PCYT1B: variants seen among roughly 807,000 people sequenced by gnomAD.
PCYT1B encodes the protein choline-phosphate cytidylyltransferase B.
PCYT1B carries 10 observed loss-of-function variants against 26.4 expected under a neutral mutation model. The observed-to-expected ratio is 0.38, with a 90% CI of 0.23 to 0.64. The LOEUF (loss-of-function observed/expected upper bound fraction) is 0.64. Among genes scored for constraint, PCYT1B ranks in the 30% least tolerant of loss-of-function variants. The pLI is 0.56. For missense variants in PCYT1B, 161 were observed against 292.7 expected (o/e 0.55, Z 3.28); for synonymous variants, 131 against 108.4 (o/e 1.21, Z -1.29).
chrX:24,662,577 TG>T (rs1927050996), intron 1 of PCYT1B, among the ~76,000 whole-genome samples: 1 of 112,066 alleles, frequency 8.9e-6, no homozygotes, highest in Admixed American at 9.5e-5. Context: ...CAAGCTCTCC[TG>T]GAACAGGGAG....
intron 6 of PCYT1B, among the ~76,000 whole-genome samples, chrX:24,576,811 A>G (rs1292892527): frequency 9.1e-6 from 1 of 110,032 alleles, no homozygotes; most frequent in African/African-American, 3.3e-5. Flanking sequence ...GAGTTGTTCA[A>G]CCTCTCTGGG....
intron 6 of PCYT1B, among the ~76,000 whole-genome samples, chrX:24,575,619 C>T (rs978714234): frequency 8.9e-6 from 1 of 112,460 alleles, no homozygotes; most frequent in Non-Finnish European, 1.9e-5. Context: ...AAAAAACACA[C>T]AGTTGTCTTT....
chrX:24,564,880 C>T (rs1369101770), intron 7 of PCYT1B, among the ~76,000 whole-genome samples: 1 of 111,013 alleles, frequency 9.0e-6, no homozygotes, highest in Non-Finnish European at 1.9e-5. Flanking sequence ...GTAGAGCCAA[C>T]GGGACTCACT....
At chrX:24,623,418 C>T in intron 1 of PCYT1B, among the ~76,000 whole-genome samples, 1 of 97,045 alleles carries the variant, frequency 1.0e-5, no homozygotes, top group South Asian at 5.1e-4. Context: ...TTCTAGGGTA[C>T]ATGTGCACAA....
intron 3 of PCYT1B, among the ~76,000 whole-genome samples, chrX:24,594,241 G>A (rs907925545): frequency 1.8e-5 from 2 of 111,408 alleles, no homozygotes; most frequent in Admixed American, 1.9e-4. Flanking sequence ...GGGGGGGAAG[G>A]TGGGCAGGAG....
intron 1 of PCYT1B, among the ~76,000 whole-genome samples, chrX:24,626,354 G>T (rs1383342827): frequency 8.9e-6 from 1 of 111,926 alleles, no homozygotes; most frequent in Admixed American, 9.5e-5. Flanking sequence ...AGTTCTACTG[G>T]ACAGCACTGG....
In PCYT1B at chrX:24,572,764, T is replaced by C. The variant is rs751423011; in HGVS notation, c.897+2366A>G. On this transcript the variant is annotated intron_variant, in intron 7 of 7. Transcript: ENST00000379144. ...TAACAGTTTTGACACTAATAGCAAG[T>C]TTTAAAAAGAAAAACCTCCAGTCTC... 5.5e-5 allele frequency among the ~76,000 whole-genome samples: 6 copies of C among 110,060 alleles called. No homozygotes were observed. In the East Asian group the frequency reaches 1.7e-3, roughly 31 times the overall value.
At chrX:24,628,897 G>T (rs1925960744) in intron 1 of PCYT1B, among the ~76,000 whole-genome samples, 1 of 111,568 alleles carries the variant, frequency 9.0e-6, no homozygotes. Flanking sequence ...CTTAGATCAG[G>T]GGTATGAACA....
chrX:24,660,117 T>C (rs770044123), intron 1 of PCYT1B, among the ~76,000 whole-genome samples: 345 of 111,274 alleles, frequency 3.1e-3, no homozygotes, highest in Non-Finnish European at 4.8e-3. Context: ...TCAGGGCTTT[T>C]AAAAGTTTAG....
upstream of PCYT1B, among the ~76,000 whole-genome samples, chrX:24,651,465 AAAAAAAAATAT>A (rs1926764562): frequency 7.1e-5 from 2 of 28,248 alleles, no homozygotes; most frequent in African/African-American, 2.4e-4. Flanking sequence ...AAAAAAAAAA[AAAAAAAAATAT>A]ATATATATAT....
intron 3 of PCYT1B, among the ~76,000 whole-genome samples, chrX:24,594,061 C>T (rs1241723880): frequency 9.0e-6 from 1 of 111,534 alleles, no homozygotes; most frequent in Non-Finnish European, 1.9e-5. Flanking sequence ...CAGCTCACTC[C>T]CTGAGATTTT....
At chrX:24,574,024 C>G (rs1923942142) in intron 7 of PCYT1B, among the ~76,000 whole-genome samples, 1 of 111,335 alleles carries the variant, frequency 9.0e-6, no homozygotes, top group Admixed American at 9.7e-5. Flanking sequence ...TGTTCTTTTT[C>G]TATTACTAAT....
chrX:24,612,757 A>G (rs1399209053), intron 2 of PCYT1B, among the ~76,000 whole-genome samples: 1 of 112,324 alleles, frequency 8.9e-6, no homozygotes, highest in Non-Finnish European at 1.9e-5. Flanking sequence ...TTAAACACAC[A>G]CCTGCCATAC....
chrX:24,632,558 C>A, intron 1 of PCYT1B: 1 of 129,874 alleles, frequency 7.7e-6, no homozygotes, highest in South Asian at 2.6e-4. Flanking sequence ...CACACTGTGT[C>A]TCACAACACC....
At chrX:24,643,779 G>A (rs923572488) in intron 1 of PCYT1B, among the ~76,000 whole-genome samples, 48 of 112,080 alleles carry the variant, frequency 4.3e-4, no homozygotes, top group African/African-American at 1.4e-3. Flanking sequence ...ATTCACTCAC[G>A]TATGCCAGCT....
intron 1 of PCYT1B, among the ~76,000 whole-genome samples, chrX:24,670,776 C>T (rs781508531): frequency 9.0e-6 from 1 of 111,067 alleles, no homozygotes; most frequent in African/African-American, 3.3e-5. Context: ...GGACATGTCA[C>T]CCTATAATGT....
At position 24,669,599 on chromosome X, in the gene PCYT1B, T is replaced by G. The variant is rs776768942; in HGVS notation, c.63+2971A>C. 9.1e-5 allele frequency among the ~76,000 whole-genome samples: 10 copies of G among 109,580 alleles called. No individual in the cohort carries two copies. In the South Asian group the frequency reaches 3.9e-3, roughly 43 times the overall value. On this transcript the variant is annotated intron_variant, in intron 1 of 7. Coordinates refer to the PCYT1B transcript ENST00000379145. The stretch of plus-strand genomic sequence containing the variant: ...ATTTTAAGTAATTAAAATTCTAATT[T>G]AAACAGCTGTATGTGGTTAGCGGCT...
At chrX:24,593,344 T>G (rs1219950344) in intron 3 of PCYT1B, among the ~76,000 whole-genome samples, 1 of 110,290 alleles carries the variant, frequency 9.1e-6, no homozygotes, top group Non-Finnish European at 1.9e-5. Flanking sequence ...TTTCTTTCTT[T>G]CTTTGTTTCT....
At chrX:24,567,880 C>T (rs189217902) in intron 7 of PCYT1B, among the ~76,000 whole-genome samples, 10 of 110,842 alleles carry the variant, frequency 9.0e-5, no homozygotes, top group Non-Finnish European at 1.7e-4. Flanking sequence ...ACCCAGGAGG[C>T]GGAGGTTGCA....
Sources: allele counts gnomAD v4.1 joint callset (sites outside exome capture counted in the v4.1 genomes callset), GRCh38; gene constraint gnomAD v4.1.1; transcripts MANE v1.5; gene names NCBI Gene and HGNC (gene_info 2026-07-23, HGNC 2026-07-21).